CHD7: variants seen among roughly 807,000 people sequenced by gnomAD.
The protein encoded by CHD7 is chromodomain helicase DNA binding protein 7.
A neutral mutation model predicts 307.3 loss-of-function variants in CHD7; 24 were observed. That is an observed-to-expected ratio of 0.08 (90% confidence interval 0.06 to 0.11). CHD7 has a LOEUF of 0.11. CHD7 is among the 10% of genes least tolerant of loss of function. The pLI, the probability that CHD7 is intolerant of heterozygous loss-of-function variation, is 1.00. For synonymous variants in CHD7, 1,363 were observed against 1,349.9 expected (o/e 1.01, Z -0.21); for missense variants, 3,106 against 3,727.1 (o/e 0.83, Z 4.34).
At chr8:60,788,960 T>C (rs1399586180) in intron 3 of CHD7, among the ~76,000 whole-genome samples, 1 of 152,262 alleles carries the variant, frequency 6.6e-6, no homozygotes, top group Admixed American at 6.5e-5. Flanking sequence ...ATGTACCAGA[T>C]TTTATGCTGC....
At chr8:60,720,059 A>G (rs1438697672) in intron 1 of CHD7, among the ~76,000 whole-genome samples, 1 of 152,200 alleles carries the variant, frequency 6.6e-6, no homozygotes, top group East Asian at 1.9e-4. Context: ...GAGTGTGAGC[A>G]TATTATAGAT....
At chr8:60,714,912 T>G (rs1030053346) in intron 1 of CHD7, among the ~76,000 whole-genome samples, 1 of 152,190 alleles carries the variant, frequency 6.6e-6, no homozygotes, top group Non-Finnish European at 1.5e-5. Context: ...GCTGAATGAA[T>G]GAATGAATGC....
intron 2 of CHD7, among the ~76,000 whole-genome samples, chr8:60,761,477 A>C (rs1034321973): frequency 1.3e-5 from 2 of 152,066 alleles, no homozygotes. Flanking sequence ...ATGTACCCTA[A>C]AACTTAAAGT....
chr8:60,810,366 T>A (rs1388885567), intron 7 of CHD7, among the ~76,000 whole-genome samples: 1 of 145,284 alleles, frequency 6.9e-6, no homozygotes, highest in Non-Finnish European at 1.5e-5. Context: ...TGGATAGGAC[T>A]GGGAGAGAGA....
chr8:60,683,476 T>C (rs995126483), intron 1 of CHD7, among the ~76,000 whole-genome samples: 1 of 152,198 alleles, frequency 6.6e-6, no homozygotes. Context: ...AAATTGTAAA[T>C]GAAATCACAT....
chr8:60,762,554 G>A (rs966245621), intron 2 of CHD7, among the ~76,000 whole-genome samples: 10 of 152,220 alleles, frequency 6.6e-5, no homozygotes, highest in African/African-American at 1.4e-4. Flanking sequence ...CTATTTAACC[G>A]TGTTATTAGA....
In CHD7 at chr8:60,856,859, A is replaced by C. The variant is rs192129249; in HGVS notation, c.7579A>C (p.Met2527Leu). 6,696 of 1,566,236 alleles carry C rather than the reference A, an allele frequency of 4.3e-3. 23 individuals are homozygous for C. The highest frequency in any genetic ancestry group is 5.4e-3 in the Non-Finnish European group (6,284 of 1,157,960). ...TGTGGAGGGACTTGATCTGCTTTTC[A>C]TGAGCCACAAACGGACGTCATTGAG... ...KNVEGLDLLF[M>L]SHKRTSLSAE... The change falls in exon 34 of 38, where the codon ATG becomes CTG. Residue 2527 changes from methionine to leucine, a missense_variant. Met to Leu is a conservative substitution (Grantham distance 15). Transcript: ENST00000423902.
intron 3 of CHD7, among the ~76,000 whole-genome samples, chr8:60,789,777 A>G (rs1811679443): frequency 6.6e-6 from 1 of 152,268 alleles, no homozygotes; most frequent in African/African-American, 2.4e-5. Flanking sequence ...ATTTCAGGTA[A>G]TAGCACTAGG....
At position 60,856,513 on chromosome 8, in the gene CHD7, C is replaced by T. The variant is rs771141688; in HGVS notation, c.7233C>T (p.Ala2411=). The change falls in exon 34 of 38, where the codon GCC becomes GCT. Residue 2411 remains alanine (A), a synonymous_variant. Coordinates refer to ENST00000423902, the MANE Select transcript of CHD7 (RefSeq NM_017780.4). The part of the protein sequence containing the change: ...RRRRRKIEIE[A]ERAAKRRNLM... ...GGAGGAGAAAAATCGAAATTGAGGC[C>T]GAAAGAGCTGCCAAGAGGCGAAATC... 21 of 1,613,630 alleles carry T rather than the reference C, an allele frequency of 1.3e-5. No homozygotes were observed. Among genetic ancestry groups the T allele is most frequent in the Admixed American group, 5.0e-5 (3 of 59,970 alleles).
chr8:60,779,056 C>G (rs1586312905), intron 2 of CHD7, among the ~76,000 whole-genome samples: 1 of 152,160 alleles, frequency 6.6e-6, no homozygotes, highest in East Asian at 1.9e-4. Context: ...TATCGTTACT[C>G]TTTTTTCAGC....
chr8:60,715,138 C>T (rs760953285), intron 1 of CHD7, among the ~76,000 whole-genome samples: 1 of 152,122 alleles, frequency 6.6e-6, no homozygotes, highest in African/African-American at 2.4e-5. Context: ...ATGAGAGCCG[C>T]CACATTGACA....
intron 3 of CHD7, among the ~76,000 whole-genome samples, chr8:60,781,951 T>G (rs1811258294): frequency 6.6e-6 from 1 of 152,180 alleles, no homozygotes. Flanking sequence ...ACTTGTCCAT[T>G]GGATATGCAT....
At chr8:60,680,841 A>G (rs1003612763) in intron 1 of CHD7, among the ~76,000 whole-genome samples, 4 of 152,218 alleles carry the variant, frequency 2.6e-5, no homozygotes, top group Admixed American at 6.5e-5. Flanking sequence ...TTCCCATTGT[A>G]TATTATCTAG....
At chr8:60,761,499 TA>T (rs970781100) in intron 2 of CHD7, among the ~76,000 whole-genome samples, 3 of 151,682 alleles carry the variant, frequency 2.0e-5, no homozygotes, top group Non-Finnish European at 2.9e-5. Flanking sequence ...TAATAATAAT[TA>T]AAAAAAATAT....
At chr8:60,836,355 C>G in intron 16 of CHD7, 72 bp downstream of exon 16, 5 of 1,268,216 alleles carry the variant, frequency 3.9e-6, no homozygotes, top group Non-Finnish European at 5.4e-6. Flanking sequence ...AGCAGTCCAC[C>G]TAAAAGTGGA....
At chr8:60,760,304 A>G (rs1031982136) in intron 2 of CHD7, among the ~76,000 whole-genome samples, 1 of 151,590 alleles carries the variant, frequency 6.6e-6, no homozygotes, top group Non-Finnish European at 1.5e-5. Flanking sequence ...AGAAAGCTGA[A>G]ACTGGATCCC....
At chr8:60,788,411 G>A (rs910412558) in intron 3 of CHD7, among the ~76,000 whole-genome samples, 1 of 152,176 alleles carries the variant, frequency 6.6e-6, no homozygotes, top group Non-Finnish European at 1.5e-5. Context: ...AAAGTGCTGG[G>A]TTTACAGGCC....
At chr8:60,805,121 A>G (rs1166235260) in intron 6 of CHD7, among the ~76,000 whole-genome samples, 1 of 152,060 alleles carries the variant, frequency 6.6e-6, no homozygotes, top group African/African-American at 2.4e-5. Flanking sequence ...CTTAGAGGTG[A>G]GAGGTTTTAG....
chr8:60,805,362 G>A (rs556205912), intron 6 of CHD7, among the ~76,000 whole-genome samples: 1 of 152,242 alleles, frequency 6.6e-6, no homozygotes, highest in African/African-American at 2.4e-5. Flanking sequence ...AATATGTGTG[G>A]TCCATTAAAC....
Sources: gnomAD v4.1 joint callset for allele counts (sites outside exome capture counted in the v4.1 genomes callset) on GRCh38, gnomAD v4.1.1 for gene constraint, MANE v1.5 for transcripts, NCBI Gene and HGNC (gene_info 2026-07-23, HGNC 2026-07-21) for gene names.